CFDP1: variants seen among roughly 807,000 people sequenced by gnomAD.
The protein encoded by CFDP1 is heterochromatin-stabilizing protein CFDP1.
Under a neutral mutation model 40.1 loss-of-function variants are expected in CFDP1, and 31 were observed. That is an observed-to-expected ratio of 0.77 (90% confidence interval 0.58 to 1.04). CFDP1 has a LOEUF of 1.04. CFDP1 is among the 50% of genes least tolerant of loss of function. CFDP1 has a pLI of 0.00. For missense variants in CFDP1, 423 were observed against 343.4 expected (o/e 1.23, Z -1.83); for synonymous variants, 167 against 120.0 (o/e 1.39, Z -2.56).
rs534084217 is a variant in CFDP1, at chr16:75,347,633, C to T, written c.651-42451G>A. Among the ~76,000 whole-genome samples, 9 of 152,026 alleles carry T rather than the reference C, an allele frequency of 5.9e-5. No individual in the cohort carries two copies. The South Asian group carries it at 1.7e-3, about 28-fold the overall frequency. On this transcript the variant is annotated intron_variant, in intron 5 of 6. Coordinates refer to ENST00000283882, the MANE Select transcript of CFDP1 (RefSeq NM_006324.3). ...GGCGGAGGTTGCAGTGAGCTGAGAT[C>T]GCGCCACTGCACTCCAGCCTGGGTG...
intron 5 of CFDP1, among the ~76,000 whole-genome samples, chr16:75,393,733 G>GCC (rs2078971696): frequency 2.0e-5 from 1 of 50,620 alleles, no homozygotes. Context: ...GCGAGACTCC[G>GCC]TCGCAAAAAA....
intron 5 of CFDP1, among the ~76,000 whole-genome samples, chr16:75,323,539 T>C (rs867119496): frequency 1.3e-5 from 2 of 152,078 alleles, no homozygotes; most frequent in South Asian, 4.2e-4. Context: ...CCAGCACTTG[T>C]GAAGGCCGAG....
intron 5 of CFDP1, among the ~76,000 whole-genome samples, chr16:75,365,773 A>G (rs2078709336): frequency 6.6e-6 from 1 of 152,212 alleles, no homozygotes; most frequent in Non-Finnish European, 1.5e-5. Context: ...AAGATATACA[A>G]ATAGCCAGTA....
chr16:75,329,294 G>T (rs1382708602), intron 5 of CFDP1, among the ~76,000 whole-genome samples: 3 of 152,170 alleles, frequency 2.0e-5, no homozygotes, highest in African/African-American at 7.2e-5. Flanking sequence ...CCCAAGCACA[G>T]AATTTTACAA....
intron 5 of CFDP1, among the ~76,000 whole-genome samples, chr16:75,335,673 C>T (rs2078482461): frequency 6.6e-6 from 1 of 151,788 alleles, no homozygotes. Context: ...TCTCCTGCCT[C>T]AGCCTCCCGA....
intron 5 of CFDP1, among the ~76,000 whole-genome samples, chr16:75,389,524 T>G (rs1283810966): frequency 2.0e-5 from 3 of 152,224 alleles, no homozygotes; most frequent in African/African-American, 4.8e-5. Context: ...GAATCTGTGC[T>G]TATCTTATCA....
chr16:75,313,394 G>C (rs1411410129), intron 5 of CFDP1, among the ~76,000 whole-genome samples: 2 of 152,102 alleles, frequency 1.3e-5, no homozygotes, highest in Non-Finnish European at 2.9e-5. Flanking sequence ...CAGTGGCGTG[G>C]TCTCGGCTCA....
Position 75,309,613 on chromosome 16 carries a change from G to A in CFDP1, c.651-4431C>T, listed in dbSNP as rs57565444. Among the ~76,000 whole-genome samples the A allele has an allele frequency of 4.7e-3, 713 of 152,192 alleles. 10 individuals are homozygous for A. The highest frequency in any genetic ancestry group is 0.017 in the African/African-American group (699 of 41,508). ...AGGCGGGCGGATCACAAGGTCAGGAGATCGAGACCATCCTGCCTAACACGG... is the reference window on the plus strand; with the variant it reads ...AGGCGGGCGGATCACAAGGTCAGGAAATCGAGACCATCCTGCCTAACACGG... On this transcript the variant is annotated intron_variant, in intron 5 of 6. Coordinates refer to ENST00000283882, the MANE Select transcript of CFDP1 (RefSeq NM_006324.3).
At chr16:75,404,069 T>C (rs757956113) in intron 4 of CFDP1, among the ~76,000 whole-genome samples, 7 of 150,546 alleles carry the variant, frequency 4.6e-5, no homozygotes, top group Non-Finnish European at 8.9e-5. Flanking sequence ...GAGGCGGAGG[T>C]TGCAGTGAGC....
chr16:75,403,147 T>C (rs1488171632), intron 4 of CFDP1, among the ~76,000 whole-genome samples: 1 of 152,214 alleles, frequency 6.6e-6, no homozygotes, highest in Non-Finnish European at 1.5e-5. Flanking sequence ...TTTTCAAAAA[T>C]GAAATAGGAA....
intron 5 of CFDP1, 146 bp downstream of exon 5, chr16:75,394,944 T>G: frequency 9.9e-7 from 1 of 1,014,608 alleles, no homozygotes; most frequent in Non-Finnish European, 1.4e-6. Context: ...GCATCTTCCA[T>G]TCTGGTAAAT....
chr16:75,404,240 C>CTT (rs1163893409), intron 4 of CFDP1, among the ~76,000 whole-genome samples: 1 of 142,146 alleles, frequency 7.0e-6, no homozygotes, highest in Non-Finnish European at 1.5e-5. Context: ...TGTCATTTTT[C>CTT]TTTTTTTTTT....
chr16:75,412,692 G>C lies in CFDP1; in HGVS notation c.245C>G (p.Ser82Cys), dbSNP rs2079173628. The part of the protein sequence containing the change: ...EEEEEDANSE[S>C]EGSSSEEEDD... The stretch of plus-strand genomic sequence containing the variant: ...TTCCTCCTCACTACTGCTTCCCTCA[G>C]ATTCTGAATTGGCATCCTCCTCTTC... The change falls in exon 3 of 7, where the codon TCT becomes TGT. Residue 82 changes from serine (S) to cysteine (C), a missense_variant. Ser to Cys is a moderately radical substitution (Grantham distance 112). Coordinates refer to ENST00000283882, the MANE Select transcript of CFDP1 (RefSeq NM_006324.3). The C allele has an allele frequency of 3.1e-6, 5 of 1,614,026 alleles. No homozygotes were observed. The highest frequency in any genetic ancestry group is 3.4e-6 in the Non-Finnish European group (4 of 1,180,028).
chr16:75,406,706 A>G (rs1047465526), intron 4 of CFDP1: 1 of 151,592 alleles, frequency 6.6e-6, no homozygotes, highest in African/African-American at 2.4e-5. Flanking sequence ...CAACTCAAAA[A>G]ATAAAAATAA....
At chr16:75,393,969 GA>G (rs2078975350) in intron 5 of CFDP1, among the ~76,000 whole-genome samples, 1 of 151,646 alleles carries the variant, frequency 6.6e-6, no homozygotes, top group Non-Finnish European at 1.5e-5. Flanking sequence ...GCAGAAGAAT[GA>G]CATGAACCCG....
chr16:75,402,904 T>A lies in CFDP1; in HGVS notation c.531-7695A>T, dbSNP rs186995877. 3.0e-3 allele frequency among the ~76,000 whole-genome samples: 461 copies of A among 151,642 alleles called. 2 individuals carry two copies. The highest frequency in any genetic ancestry group is 0.011 in the African/African-American group (448 of 40,934). On this transcript the variant is annotated intron_variant, in intron 4 of 6. Transcript: ENST00000283882. ...AAGGGAGTTACAGAACTTTCACTTT[T>A]CATGTTATATATATTATATATCTCT...
At chr16:75,302,465 C>T (rs193023051) in intron 6 of CFDP1, among the ~76,000 whole-genome samples, 2 of 152,284 alleles carry the variant, frequency 1.3e-5, no homozygotes, top group Non-Finnish European at 2.9e-5. Flanking sequence ...TGCTATGTTG[C>T]CCAGGCTGGT....
chr16:75,310,975 C>T (rs1419539533), intron 5 of CFDP1, among the ~76,000 whole-genome samples: 1 of 152,134 alleles, frequency 6.6e-6, no homozygotes, highest in African/African-American at 2.4e-5. Context: ...ACACTGTGCT[C>T]AGAATGGGGA....
Position 75,349,698 on chromosome 16 carries a change from T to TATATATATATATATATATATATACAC in CFDP1, c.651-44517_651-44516insGTGTATATATATATATATATATATAT, listed in dbSNP as rs146824267. Among the ~76,000 whole-genome samples, 194 of 47,872 alleles carry TATATATATATATATATATATATACAC rather than the reference T, an allele frequency of 4.1e-3. 7 individuals are homozygous for TATATATATATATATATATATATACAC. Among genetic ancestry groups the TATATATATATATATATATATATACAC allele is most frequent in the Non-Finnish European group, 4.7e-3 (132 of 28,280 alleles). The allele number at this position is 47,872 out of a possible 152,430, so 31.4% of individuals were successfully genotyped here. On this transcript the variant is annotated intron_variant, in intron 5 of 6. Coordinates refer to ENST00000283882, the MANE Select transcript of CFDP1 (RefSeq NM_006324.3). ...AAAAAAAAAAAAAAAAAAATATATA[T>TATATATATATATATATATATATACAC]ACATACATATATACGGTTGATTTTT...
Sources: allele counts gnomAD v4.1 joint callset (sites outside exome capture counted in the v4.1 genomes callset), GRCh38; gene constraint gnomAD v4.1.1; transcripts MANE v1.5; gene names NCBI Gene and HGNC (gene_info 2026-07-23, HGNC 2026-07-21).